Variants in UGGT2 observed in about 807,000 individuals in gnomAD.
UGGT2 encodes UDP-glucose glycoprotein glucosyltransferase 2, also known as UDP-glucose:glycoprotein glucosyltransferase 2.
UGGT2 carries 180 observed loss-of-function variants against 192.1 expected under a neutral mutation model. That is an observed-to-expected ratio of 0.94 (90% CI 0.83 to 1.06). UGGT2 has a LOEUF of 1.06. Among genes scored for constraint, UGGT2 ranks in the 50% least tolerant of loss-of-function variants. The pLI, the probability that UGGT2 is intolerant of heterozygous loss-of-function variation, is 0.00. For missense variants in UGGT2, 1,849 were observed against 1,795.7 expected, an observed-to-expected ratio of 1.03 and a Z score of -0.54; for synonymous variants, 580 against 591.0, an observed-to-expected ratio of 0.98 and a Z score of 0.27.
intron 22 of UGGT2, among the ~76,000 whole-genome samples, chr13:95,898,656 G>T (rs771552005): frequency 1.3e-5 from 2 of 152,086 alleles, no homozygotes; most frequent in Non-Finnish European, 2.9e-5. Context: ...AGGTGTTTAG[G>T]TCATGAGGGC....
chr13:95,978,010 T>A (rs749538880), intron 10 of UGGT2, among the ~76,000 whole-genome samples: 1 of 151,266 alleles, frequency 6.6e-6, no homozygotes. Context: ...CATGGACACA[T>A]GTGGCCTGCC....
chr13:96,037,552 T>C (rs906092032), intron 1 of UGGT2, among the ~76,000 whole-genome samples: 4 of 152,228 alleles, frequency 2.6e-5, no homozygotes, highest in Admixed American at 2.6e-4. Context: ...TTATTCATCT[T>C]TGTTTCCTAC....
In UGGT2 at chr13:95,884,084, A is replaced by AAAAAAAAAAAAAAAAAC. The variant is rs760204523; in HGVS notation, c.3228+406_3228+407insGTTTTTTTTTTTTTTTT. Among the ~76,000 whole-genome samples, 3 of 132,012 alleles carry AAAAAAAAAAAAAAAAAC rather than the reference A, an allele frequency of 2.3e-5. 1 individual carries two copies. The highest frequency in any genetic ancestry group is 5.4e-5 in the African/African-American group (2 of 36,800). The allele number at this position is 132,012 out of a possible 152,430, so 86.6% of individuals were successfully genotyped here. A position where few individuals can be genotyped will look rare whatever the true frequency, so the allele number is the denominator to read the frequency against. ...TGAGGCCAAAAAAAAAAAAAAAAAA[A>AAAAAAAAAAAAAAAAAC]AACCAACAACAACAAAACAATTTTG... On this transcript the variant is annotated intron_variant, in intron 27 of 38. Transcript: ENST00000376747.
chr13:95,907,783 A>T (rs2048339400), intron 20 of UGGT2, among the ~76,000 whole-genome samples: 1 of 152,222 alleles, frequency 6.6e-6, no homozygotes, highest in Non-Finnish European at 1.5e-5. Context: ...CACCACAAAG[A>T]TGGGGAGAAA....
At chr13:95,900,723 A>G in intron 22 of UGGT2, 84 bp downstream of exon 22, 1 of 1,421,874 alleles carries the variant, frequency 7.0e-7, no homozygotes, top group East Asian at 2.4e-5. Context: ...TGTCAGTCAC[A>G]TCAGGGGAAT....
chr13:95,992,554 CAGA>C (rs1381296895), intron 7 of UGGT2, among the ~76,000 whole-genome samples: 4 of 152,146 alleles, frequency 2.6e-5, no homozygotes, highest in Non-Finnish European at 5.9e-5. Context: ...CTGAAACTTA[CAGA>C]AGTTGTTTAT....
intron 20 of UGGT2, among the ~76,000 whole-genome samples, chr13:95,914,740 A>G (rs2048626467): frequency 6.6e-6 from 1 of 151,430 alleles, no homozygotes; most frequent in Non-Finnish European, 1.5e-5. Context: ...GAGGTGGAGG[A>G]TGCAGTGAGC....
intron 38 of UGGT2, among the ~76,000 whole-genome samples, chr13:95,819,325 G>T (rs957080661): frequency 1.1e-4 from 17 of 151,822 alleles, no homozygotes; most frequent in African/African-American, 3.9e-4. Context: ...TCTATTTTTT[G>T]TTGTTGTATT....
At position 95,930,426 on chromosome 13, in the gene UGGT2, C is replaced by CTTG. The variant is rs148167462; in HGVS notation, c.1978-3093_1978-3091dup. 3.2e-3 allele frequency among the ~76,000 whole-genome samples: 482 copies of CTTG among 151,960 alleles called. 3 individuals carry two copies. Among genetic ancestry groups the CTTG allele is most frequent in the African/African-American group, 0.011 (460 of 41,470 alleles). On this transcript the variant is annotated intron_variant, in intron 17 of 38. Transcript: ENST00000376747. ...TCTTATACTTAACTGTTTAATCCATCTTGTTAAGTTTTGAACGTGGTGAAA... is the reference window on the plus strand; with the variant it reads ...TCTTATACTTAACTGTTTAATCCATCTTGTTGTTAAGTTTTGAACGTGGTGAAA...
chr13:96,002,291 T>C (rs2051831522), intron 5 of UGGT2, among the ~76,000 whole-genome samples: 1 of 152,238 alleles, frequency 6.6e-6, no homozygotes, highest in African/African-American at 2.4e-5. Flanking sequence ...TTGAGAATTC[T>C]TGGCATAAGA....
chr13:95,950,531 G>A (rs1360102260), intron 12 of UGGT2, among the ~76,000 whole-genome samples: 10 of 134,488 alleles, frequency 7.4e-5, no homozygotes, highest in African/African-American at 1.6e-4. Flanking sequence ...ATCAATTTCT[G>A]GCTCTCACAA....
At chr13:95,830,897 G>T (rs1035117448) in intron 38 of UGGT2, among the ~76,000 whole-genome samples, 3 of 152,116 alleles carry the variant, frequency 2.0e-5, no homozygotes, top group African/African-American at 7.2e-5. Flanking sequence ...AAAAATGATA[G>T]ACTGGATTAA....
intron 22 of UGGT2, among the ~76,000 whole-genome samples, chr13:95,899,588 C>A (rs938352792): frequency 6.6e-6 from 1 of 151,872 alleles, no homozygotes; most frequent in Non-Finnish European, 1.5e-5. Flanking sequence ...AATGACAAGA[C>A]ATAGGATAGC....
At chr13:95,841,082 G>A (rs541411323) in intron 36 of UGGT2, among the ~76,000 whole-genome samples, 1 of 152,174 alleles carries the variant, frequency 6.6e-6, no homozygotes, top group African/African-American at 2.4e-5. Flanking sequence ...AGAGCATTAG[G>A]ACAAATACCT....
At chr13:96,034,081 C>T (rs534088465) in intron 1 of UGGT2, among the ~76,000 whole-genome samples, 1 of 152,256 alleles carries the variant, frequency 6.6e-6, no homozygotes, top group South Asian at 2.1e-4. Context: ...ACACACTTAC[C>T]CCCCTCTGAA....
chr13:95,888,458 C>A (rs1192270555), intron 25 of UGGT2, among the ~76,000 whole-genome samples: 1 of 152,060 alleles, frequency 6.6e-6, no homozygotes, highest in African/African-American at 2.4e-5. Context: ...TTTGATAGTC[C>A]CCATCTCCAC....
At chr13:95,910,437 T>A (rs1157269013) in intron 20 of UGGT2, among the ~76,000 whole-genome samples, 1 of 152,074 alleles carries the variant, frequency 6.6e-6, no homozygotes, top group African/African-American at 2.4e-5. Context: ...GGGGTTGCAA[T>A]CCTAGTCTCT....
intron 38 of UGGT2, among the ~76,000 whole-genome samples, chr13:95,807,563 G>A (rs781751653): frequency 1.7e-4 from 26 of 151,816 alleles, no homozygotes; most frequent in Admixed American, 1.3e-4. Flanking sequence ...TTTGTTTTCC[G>A]GCACTGCTTC....
intron 36 of UGGT2, among the ~76,000 whole-genome samples, chr13:95,838,890 C>T (rs779555935): frequency 6.6e-6 from 1 of 152,120 alleles, no homozygotes; most frequent in African/African-American, 2.4e-5. Context: ...TTTTGGCTCA[C>T]TCCACTGAGT....
Sources: allele counts gnomAD v4.1 joint callset (sites outside exome capture counted in the v4.1 genomes callset), GRCh38; gene constraint gnomAD v4.1.1; transcripts MANE v1.5; gene names NCBI Gene and HGNC (gene_info 2026-07-23, HGNC 2026-07-21).